The following CEP192 variants were observed in gnomAD, a reference collection of about 807,000 sequenced individuals.
CEP192 encodes the protein centrosomal protein 192, also known as centrosomal protein of 192 kDa.
CEP192 carries 151 observed loss-of-function variants against 271.8 expected under a neutral mutation model. The ratio of observed to expected loss-of-function variants is 0.56; its 90% confidence interval spans 0.49 to 0.64. The LOEUF (loss-of-function observed/expected upper bound fraction) is 0.64, where lower values mean the gene tolerates loss of function less well. Ranked by LOEUF, CEP192 falls within the 30% of genes least tolerant of loss-of-function variation. The pLI, the probability that CEP192 is intolerant of heterozygous loss-of-function variation, is 0.00. For synonymous variants in CEP192, 995 were observed against 1,076.5 expected, an observed-to-expected ratio of 0.92 and a Z score of 1.48; for missense variants, 2,910 against 3,020.5, an observed-to-expected ratio of 0.96 and a Z score of 0.86.
intron 30 of CEP192, among the ~76,000 whole-genome samples, chr18:13,074,219 G>A (rs1234148419): frequency 6.6e-6 from 1 of 152,196 alleles, no homozygotes; most frequent in African/African-American, 2.4e-5. Flanking sequence ...AATTAGGTAT[G>A]TATGACAAAT....
intron 6 of CEP192, among the ~76,000 whole-genome samples, chr18:13,016,705 GA>G: frequency 6.6e-6 from 1 of 152,274 alleles, no homozygotes; most frequent in East Asian, 1.9e-4. Flanking sequence ...ATGACTGACT[GA>G]GGGGTCATGT....
intron 9 of CEP192, 79 bp from the exon 10 acceptor site, chr18:13,029,584 T>C: frequency 1.2e-6 from 1 of 851,394 alleles, no homozygotes; most frequent in Admixed American, 3.0e-5. Context: ...ATATAATTTT[T>C]CCCATAAATT....
chr18:13,026,320 A>G (rs146685973), intron 9 of CEP192, among the ~76,000 whole-genome samples: 2 of 152,246 alleles, frequency 1.3e-5, no homozygotes, highest in Non-Finnish European at 2.9e-5. Context: ...TTGAAATGAT[A>G]TGCTTAGGTG....
intron 34 of CEP192, among the ~76,000 whole-genome samples, chr18:13,093,998 C>T (rs1311778958): frequency 6.6e-6 from 1 of 152,148 alleles, no homozygotes; most frequent in African/African-American, 2.4e-5. Flanking sequence ...TACCAATGAC[C>T]TTGATGTTTT....
intron 9 of CEP192, among the ~76,000 whole-genome samples, chr18:13,026,959 A>G (rs1257850142): frequency 6.6e-6 from 1 of 151,816 alleles, no homozygotes; most frequent in Non-Finnish European, 1.5e-5. Context: ...TTTTCTTGTT[A>G]GCTGGACGTG....
intron 11 of CEP192, among the ~76,000 whole-genome samples, chr18:13,031,143 A>C (rs1306510429): frequency 6.6e-6 from 1 of 151,974 alleles, no homozygotes; most frequent in East Asian, 1.9e-4. Context: ...TTTGAGCTGG[A>C]GACTGTGAAG....
At chr18:13,003,275 C>T (rs1289445264) in intron 3 of CEP192, among the ~76,000 whole-genome samples, 1 of 151,730 alleles carries the variant, frequency 6.6e-6, no homozygotes, top group Non-Finnish European at 1.5e-5. Context: ...ATGGTGAAAT[C>T]CCATCTCTAC....
chr18:12,999,607 G>A lies in CEP192; in HGVS notation c.164+19G>A. 6 of 1,505,066 alleles carry A rather than the reference G, an allele frequency of 4.0e-6. No homozygotes were observed. The highest frequency in any genetic ancestry group is 4.4e-6 in the Non-Finnish European group (5 of 1,127,892). 93.2% of individuals were successfully genotyped at this position (1,505,066 alleles called of 1,614,324 possible). On this transcript the variant is annotated intron_variant, in intron 2 of 44. Transcript: ENST00000506447. ...ATAACAGGTAAGATTTGTTTGAGCA[G>A]ATTTTTTTCCAGGTCCATAAAGCCT...
intron 30 of CEP192, among the ~76,000 whole-genome samples, chr18:13,073,850 A>C (rs1177271604): frequency 6.6e-6 from 1 of 152,238 alleles, no homozygotes; most frequent in Non-Finnish European, 1.5e-5. Context: ...CTAGGTTTCA[A>C]CATGTGAATT....
intron 30 of CEP192, among the ~76,000 whole-genome samples, chr18:13,082,582 C>T (rs569885837): frequency 2.6e-5 from 4 of 151,950 alleles, no homozygotes; most frequent in East Asian, 3.9e-4. Flanking sequence ...TCCAATTTGC[C>T]AGTCTGTGTC....
At chr18:13,097,173 C>G (rs2039440614) in intron 36 of CEP192, among the ~76,000 whole-genome samples, 1 of 152,176 alleles carries the variant, frequency 6.6e-6, no homozygotes, top group South Asian at 2.1e-4. Context: ...GCCACACACC[C>G]TTTCAGCTAA....
intron 11 of CEP192, among the ~76,000 whole-genome samples, chr18:13,035,977 T>C (rs549116879): frequency 1.3e-5 from 2 of 151,812 alleles, no homozygotes; most frequent in Admixed American, 1.3e-4. Context: ...AAACCCCATC[T>C]CTAGCAAAAA....
At chr18:13,068,626 C>T (rs1394947033) in intron 24 of CEP192, among the ~76,000 whole-genome samples, 1 of 152,164 alleles carries the variant, frequency 6.6e-6, no homozygotes, top group East Asian at 1.9e-4. Context: ...GCACTGAAAA[C>T]CTTTTAGAAT....
chr18:13,058,392 G>C (rs2037228322), intron 20 of CEP192: 1 of 152,424 alleles, frequency 6.6e-6, no homozygotes, highest in African/African-American at 2.4e-5. Flanking sequence ...AATCAGTATT[G>C]GTGGATGCTT....
intron 1 of CEP192, among the ~76,000 whole-genome samples, chr18:12,996,146 A>G (rs1044539382): frequency 2.0e-5 from 3 of 149,492 alleles, no homozygotes; most frequent in Non-Finnish European, 4.4e-5. Flanking sequence ...CCTGGAGACC[A>G]AAGGCTATTG....
chr18:13,070,126 A>G (rs995017205), intron 27 of CEP192, among the ~76,000 whole-genome samples: 3 of 151,770 alleles, frequency 2.0e-5, no homozygotes, highest in African/African-American at 7.3e-5. Flanking sequence ...ACACCTCTGC[A>G]CTCCAGGCTG....
intron 9 of CEP192, among the ~76,000 whole-genome samples, chr18:13,025,730 C>A (rs769612729): frequency 8.5e-5 from 13 of 152,122 alleles, no homozygotes; most frequent in Non-Finnish European, 1.8e-4. Flanking sequence ...ATTCTTCCCT[C>A]CCATTCCTTG....
chr18:13,026,587 T>A (rs569428609), intron 9 of CEP192, among the ~76,000 whole-genome samples: 2 of 152,342 alleles, frequency 1.3e-5, no homozygotes, highest in East Asian at 3.9e-4. Flanking sequence ...TTTCATTCAT[T>A]GTTGTCTTTG....
At chr18:13,101,648 G>A (rs1443341352) in intron 38 of CEP192, among the ~76,000 whole-genome samples, 1 of 152,032 alleles carries the variant, frequency 6.6e-6, no homozygotes, top group African/African-American at 2.4e-5. Flanking sequence ...CATTGATTTT[G>A]TCTATCCCCA....
Sources: allele counts gnomAD v4.1 joint callset (sites outside exome capture counted in the v4.1 genomes callset), GRCh38; gene constraint gnomAD v4.1.1; transcripts MANE v1.5; gene names NCBI Gene and HGNC (gene_info 2026-07-23, HGNC 2026-07-21).